Variants in PACS1 observed in about 807,000 individuals in gnomAD.
PACS1 encodes PACS-1.
Under a neutral mutation model 115.0 loss-of-function variants are expected in PACS1, and 24 were observed. The observed-to-expected ratio is 0.21, with a 90% confidence interval of 0.15 to 0.29. PACS1 has a LOEUF of 0.29. Ranked by LOEUF, PACS1 falls within the 10% of genes least tolerant of loss-of-function variation. The pLI, the probability that PACS1 is intolerant of heterozygous loss-of-function variation, is 1.00. For missense variants in PACS1, 838 were observed against 1,251.2 expected, an observed-to-expected ratio of 0.67 and a Z score of 4.98; for synonymous variants, 453 against 504.5, an observed-to-expected ratio of 0.90 and a Z score of 1.37.
At chr11:66,079,365 G>T (rs1590729628) in intron 1 of PACS1, among the ~76,000 whole-genome samples, 2 of 120,798 alleles carry the variant, frequency 1.7e-5, no homozygotes, top group East Asian at 4.9e-4. Flanking sequence ...AAAAAAAAAA[G>T]TTTAGAACAC....
In PACS1 at chr11:66,070,952, T is replaced by C; in HGVS notation, c.356+110T>C. On this transcript the variant is annotated intron_variant, in intron 1 of 23. Transcript: ENST00000320580. This position sits in a 1 kb window ranked among gnomAD's most constrained non-coding sequence, Gnocchi z 5.9. ...TCCCCGCCCTCCATCTCCCCGACTG[T>C]CCCGCGGCCCGGCCTGGCTCCAGCC... 1 of 1,127,434 alleles carries C rather than the reference T, an allele frequency of 8.9e-7. No homozygotes were observed. The highest frequency in any genetic ancestry group is 4.3e-5 in the Admixed American group (1 of 23,524). The allele number at this position is 1,127,434 out of a possible 1,614,324, so 69.8% of individuals were successfully genotyped here. A position where few individuals can be genotyped will look rare whatever the true frequency, so the allele number is the denominator to read the frequency against.
chr11:66,074,849 A>C (rs1404359494), intron 1 of PACS1, among the ~76,000 whole-genome samples: 7 of 152,026 alleles, frequency 4.6e-5, no homozygotes, highest in African/African-American at 1.7e-4. Context: ...CAGAAGCACT[A>C]TACGAGCCAA....
intron 1 of PACS1, among the ~76,000 whole-genome samples, chr11:66,126,334 G>T (rs1024881053): frequency 6.6e-6 from 1 of 152,112 alleles, no homozygotes; most frequent in Non-Finnish European, 1.5e-5. Context: ...TCTGAAACAC[G>T]CTTGTGTTAG....
At chr11:66,153,552 T>C (rs1859291070) in intron 1 of PACS1, among the ~76,000 whole-genome samples, 2 of 151,944 alleles carry the variant, frequency 1.3e-5, no homozygotes. Context: ...GAGGCTCAGG[T>C]GGGCGGATCA....
chr11:66,098,376 C>T (rs1345075956), intron 1 of PACS1, among the ~76,000 whole-genome samples: 3 of 152,038 alleles, frequency 2.0e-5, no homozygotes, highest in African/African-American at 7.3e-5. Flanking sequence ...GGAACTTGCA[C>T]ATTCCTCTCA....
intron 1 of PACS1, among the ~76,000 whole-genome samples, chr11:66,079,323 A>G (rs372059293): frequency 2.7e-4 from 10 of 37,642 alleles, no homozygotes; most frequent in Admixed American, 9.4e-4. Context: ...TTTTTTTTTA[A>G]TAGTTTATTG....
At chr11:66,075,714 A>G (rs1012520114) in intron 1 of PACS1, among the ~76,000 whole-genome samples, 6 of 149,126 alleles carry the variant, frequency 4.0e-5, no homozygotes, top group Admixed American at 4.0e-4. Context: ...TGAAATTTCT[A>G]TTACTACCCT....
At chr11:66,180,282 T>G (rs1438034938) in intron 1 of PACS1, among the ~76,000 whole-genome samples, 2 of 152,170 alleles carry the variant, frequency 1.3e-5, no homozygotes, top group Non-Finnish European at 2.9e-5. Flanking sequence ...TTTTGGTTGA[T>G]TCTCTTGAGA....
chr11:66,216,030 G>GTTGCCCCTGGGGTCT, intron 4 of PACS1, 89 bp from the exon 5 acceptor site: 1 of 1,223,232 alleles, frequency 8.2e-7, no homozygotes, highest in Non-Finnish European at 1.2e-6. Context: ...GCAGAATGCT[G>GTTGCCCCTGGGGTCT]TTGCCCCTGG....
chr11:66,120,426 C>A (rs889517787), intron 1 of PACS1, among the ~76,000 whole-genome samples: 4 of 152,134 alleles, frequency 2.6e-5, no homozygotes, highest in African/African-American at 9.7e-5. Context: ...TCATTTTAAT[C>A]AAACTCAATT....
intron 1 of PACS1, among the ~76,000 whole-genome samples, chr11:66,101,438 C>G (rs1338590541): frequency 1.3e-5 from 2 of 152,102 alleles, no homozygotes; most frequent in African/African-American, 4.8e-5. Context: ...TTCTGAACAC[C>G]TTGGAGAAAT....
intron 16 of PACS1, 92 bp from the exon 17 acceptor site, chr11:66,234,040 G>A: frequency 6.4e-7 from 1 of 1,555,336 alleles, no homozygotes. Flanking sequence ...GGAAGGGACA[G>A]TCAAGGAGAC....
chr11:66,108,036 A>C (rs777163129), intron 1 of PACS1, among the ~76,000 whole-genome samples: 79 of 152,300 alleles, frequency 5.2e-4, no homozygotes, highest in Non-Finnish European at 1.0e-3. Context: ...ACAGCTGCCA[A>C]CAAGGCCAAG....
chr11:66,141,356 A>G (rs1229425914), intron 1 of PACS1, among the ~76,000 whole-genome samples: 1 of 152,062 alleles, frequency 6.6e-6, no homozygotes, highest in Non-Finnish European at 1.5e-5. Flanking sequence ...CAGTGGTGCA[A>G]TGAAAGCTCA....
intron 1 of PACS1, among the ~76,000 whole-genome samples, chr11:66,101,646 G>T (rs1857923139): frequency 6.6e-6 from 1 of 152,332 alleles, no homozygotes; most frequent in South Asian, 2.1e-4. Flanking sequence ...ATCGAAGTGG[G>T]TGGGAAGTTG....
At chr11:66,188,541 G>A (rs778214831) in intron 1 of PACS1, among the ~76,000 whole-genome samples, 10 of 152,090 alleles carry the variant, frequency 6.6e-5, no homozygotes, top group Non-Finnish European at 1.5e-4. Context: ...TTATAATTTT[G>A]CTGTAAAATT....
chr11:66,172,999 T>C (rs1374260995), intron 1 of PACS1, among the ~76,000 whole-genome samples: 1 of 150,590 alleles, frequency 6.6e-6, no homozygotes, highest in Non-Finnish European at 1.5e-5. Flanking sequence ...AAAAGTGTTA[T>C]CAGTATTGTT....
intron 1 of PACS1, among the ~76,000 whole-genome samples, chr11:66,120,346 C>T (rs1421809983): frequency 1.3e-5 from 2 of 152,128 alleles, no homozygotes; most frequent in African/African-American, 2.4e-5. Context: ...ATCCACCTGT[C>T]TTGGCCTCCC....
chr11:66,081,793 A>G (rs902787372), intron 1 of PACS1, among the ~76,000 whole-genome samples: 6 of 152,230 alleles, frequency 3.9e-5, no homozygotes, highest in African/African-American at 1.4e-4. Flanking sequence ...ACCGGTTTAC[A>G]GCTTGCCATT....
Sources: gnomAD v4.1 joint callset for allele counts (sites outside exome capture counted in the v4.1 genomes callset) on GRCh38, gnomAD v4.1.1 for gene constraint, Gnocchi (gnomAD v3.1) non-coding constraint, MANE v1.5 for transcripts, NCBI Gene and HGNC (gene_info 2026-07-23, HGNC 2026-07-21) for gene names.